Variants in CATSPER4 observed in about 807,000 individuals in gnomAD.
CATSPER4 encodes cation channel sperm-associated protein 4.
Under a neutral mutation model 54.4 loss-of-function variants are expected in CATSPER4, and 46 were observed. That is an observed-to-expected ratio of 0.84 (90% confidence interval 0.67 to 1.08). The LOEUF is 1.08. CATSPER4 is among the 50% of genes least tolerant of loss of function. CATSPER4 has a pLI of 0.00. For missense variants in CATSPER4, 574 were observed against 612.8 expected, an observed-to-expected ratio of 0.94 and a Z score of 0.67; for synonymous variants, 230 against 231.9, an observed-to-expected ratio of 0.99 and a Z score of 0.08.
chr1:26,199,431 CA>C (rs557579569), intron 6 of CATSPER4, among the ~76,000 whole-genome samples: 3,066 of 101,654 alleles, frequency 0.03, 99 homozygotes, highest in African/African-American at 0.091. Context: ...GACTCTGTCT[CA>C]AAAAAAAAAA....
chr1:26,193,714 T>G (rs910187093), intron 2 of CATSPER4, 73 bp from the exon 3 acceptor site: 10 of 940,278 alleles, frequency 1.1e-5, no homozygotes, highest in Non-Finnish European at 1.4e-5. Context: ...ACATACATCC[T>G]CTCCCTGCCG....
intron 3 of CATSPER4, 88 bp downstream of exon 3, chr1:26,193,976 G>A (rs2088905364): frequency 5.6e-6 from 5 of 888,524 alleles, no homozygotes; most frequent in African/African-American, 1.6e-5. Flanking sequence ...TACAAACTGA[G>A]GGTGTGAGTA....
chr1:26,198,216 C>T, intron 5 of CATSPER4, 70 bp from the exon 6 acceptor site: 1 of 1,613,650 alleles, frequency 6.2e-7, no homozygotes, highest in Non-Finnish European at 8.5e-7. Context: ...CGTTCATTTA[C>T]ATGACATTTG....
chr1:26,190,839 C>A lies in CATSPER4; in HGVS notation c.212C>A (p.Ala71Glu), dbSNP rs140155427. Residue 71 changes from alanine (A) to glutamate (E), a missense_variant and splice_region_variant, in exon 1 of 10, where the codon GCG becomes GAG. Physicochemically the swap from Ala to Glu is moderately radical, Grantham distance 107 (BLOSUM62 -1). Transcript: ENST00000456354. ...AACCGCCAGGAAATCACGAACAAAG[C>A]GGTAAGGATAGCTCTCGCCCCACAG... is the stretch of plus-strand genomic sequence containing the variant. Reference protein sequence around the residue: ...LINRQEITNKADAWDMQEFIT... With the variant: ...LINRQEITNKEDAWDMQEFIT... The A allele has an allele frequency of 1.9e-6, 3 of 1,606,198 alleles. No individual in the cohort carries two copies. Among genetic ancestry groups the A allele is most frequent in the Non-Finnish European group, 1.7e-6 (2 of 1,176,336 alleles).
chr1:26,193,050 T>C lies in CATSPER4; in HGVS notation c.358-737T>C, dbSNP rs867209980. The stretch of plus-strand genomic sequence containing the variant: ...CCAGGAGGCGGAGTTTGCAGTGAGC[T>C]GAGATGTCACATTAAAAAAAAAAAG... On this transcript the variant is annotated intron_variant, in intron 2 of 9. Transcript: ENST00000456354. Among the ~76,000 whole-genome samples the C allele has an allele frequency of 1.5e-4, 22 of 150,798 alleles. 1 individual carries two copies. The South Asian group carries it at 3.8e-3, about 26-fold the overall frequency.
At position 26,202,801 on chromosome 1, in the gene CATSPER4, G is replaced by A. The variant is rs2089022056; in HGVS notation, c.*259G>A. 2 of 551,464 alleles carry A rather than the reference G, an allele frequency of 3.6e-6. No homozygotes were observed. The highest frequency in any genetic ancestry group is 3.1e-5 in the East Asian group (1 of 32,518). 34.2% of individuals were successfully genotyped at this position (551,464 alleles called of 1,614,324 possible). ...AGCAAGGATGAGCACAGAAGGGGGT[G>A]CTGGCCAACGCAGCCAGGATTTGAC... On this transcript the variant is annotated 3_prime_UTR_variant, in exon 10 of 10. Transcript: ENST00000456354.
chr1:26,197,834 A>G, intron 4 of CATSPER4, 51 bp downstream of exon 4: 1 of 1,604,534 alleles, frequency 6.2e-7, no homozygotes, highest in South Asian at 1.1e-5. Context: ...GAACCCAGGA[A>G]TGAGATGGGG....
chr1:26,194,764 T>A (rs557393112), intron 3 of CATSPER4, among the ~76,000 whole-genome samples: 18 of 151,968 alleles, frequency 1.2e-4, no homozygotes, highest in Non-Finnish European at 2.4e-4. Context: ...GGACCCCCAA[T>A]ACATTGAAGA....
At chr1:26,201,995 C>T (rs2089014357) in intron 9 of CATSPER4, among the ~76,000 whole-genome samples, 1 of 152,156 alleles carries the variant, frequency 6.6e-6, no homozygotes, top group African/African-American at 2.4e-5. Flanking sequence ...GGCTGTCTGC[C>T]TCTTAAACTT....
chr1:26,192,346 T>A (rs1476287932), intron 2 of CATSPER4, among the ~76,000 whole-genome samples: 1 of 151,854 alleles, frequency 6.6e-6, no homozygotes, highest in East Asian at 2.0e-4. Context: ...TCCCAACACT[T>A]TGGCAGGCCA....
intron 3 of CATSPER4, among the ~76,000 whole-genome samples, chr1:26,195,749 T>G (rs1468192250): frequency 2.6e-5 from 4 of 151,970 alleles, no homozygotes; most frequent in Non-Finnish European, 5.9e-5. Flanking sequence ...TGATCCGCCC[T>G]CCTCAGCCTC....
At chr1:26,196,969 G>A (rs917440655) in intron 3 of CATSPER4, among the ~76,000 whole-genome samples, 4 of 145,392 alleles carry the variant, frequency 2.8e-5, no homozygotes, top group Admixed American at 7.0e-5. Context: ...GTGCAGTGGC[G>A]CAATCTTGGC....
At chr1:26,195,528 TCTCG>T (rs1212659999) in intron 3 of CATSPER4, among the ~76,000 whole-genome samples, 1 of 144,034 alleles carries the variant, frequency 6.9e-6, no homozygotes, top group Admixed American at 7.1e-5. Flanking sequence ...TGAGACGGAG[TCTCG>T]CTCTGTCGCC....
chr1:26,193,702 C>T (rs2088901557), intron 2 of CATSPER4, 85 bp from the exon 3 acceptor site: 2 of 854,250 alleles, frequency 2.3e-6, no homozygotes, highest in Non-Finnish European at 4.1e-6. Context: ...CTTCCCTCCC[C>T]TACATACATC....
intron 3 of CATSPER4, among the ~76,000 whole-genome samples, chr1:26,195,499 T>TTTTTC (rs1426049361): frequency 1.8e-5 from 1 of 54,596 alleles, no homozygotes; most frequent in Non-Finnish European, 4.9e-5. Context: ...TTTTTCTTTT[T>TTTTTC]CTTTTTCTTT....
In CATSPER4 at chr1:26,202,763, TG is replaced by T; in HGVS notation, c.*224del. 3.3e-6 allele frequency: 2 copies of T among 601,266 alleles called. No homozygotes were observed. The highest frequency in any genetic ancestry group is 3.0e-6 in the Non-Finnish European group (1 of 335,544). The allele number at this position is 601,266 out of a possible 1,614,324, so 37.2% of individuals were successfully genotyped here. A position where few individuals can be genotyped will look rare whatever the true frequency, so the allele number is the denominator to read the frequency against. On this transcript the variant is annotated 3_prime_UTR_variant, in exon 10 of 10. Coordinates refer to ENST00000456354, the MANE Select transcript of CATSPER4 (RefSeq NM_198137.2). ...AGAGGAGGATGCTGGATGATGAGAG[TG>T]GGAACCCTAGCAGCAAGGATGAGCA...
At chr1:26,201,235 C>A (rs892940963) in intron 8 of CATSPER4, 119 bp from the exon 9 acceptor site, 13 of 1,161,450 alleles carry the variant, frequency 1.1e-5, no homozygotes, top group Middle Eastern at 2.8e-4. Flanking sequence ...CACAGCTCGG[C>A]CTGGGTCTCT....
At chr1:26,197,808 G>T in intron 4 of CATSPER4, 25 bp downstream of exon 4, 1 of 1,608,562 alleles carries the variant, frequency 6.2e-7, no homozygotes, top group East Asian at 2.2e-5. Flanking sequence ...CTGGAGAAAT[G>T]AGGGGGACCT....
Position 26,190,788 on chromosome 1 carries a change from G to A in CATSPER4, c.161G>A (p.Gly54Asp), listed in dbSNP as rs371908011. ...CAGAGTACCATTCACGAGTCCTACG[G>A]TCGGCCAGAGGAGCAAGTGCTCATC... ...PLQSTIHESYGRPEEQVLINR... is the reference protein window; with the variant it reads ...PLQSTIHESYDRPEEQVLINR... The change falls in exon 1 of 10, where the codon GGT becomes GAT. Residue 54 changes from glycine (G) to aspartate (D), a missense_variant. Transcript: ENST00000456354. The A allele has an allele frequency of 1.2e-6, 2 of 1,613,274 alleles. No homozygotes were observed. Among genetic ancestry groups the A allele is most frequent in the Non-Finnish European group, 1.7e-6 (2 of 1,179,776 alleles).
Sources: gnomAD v4.1 joint callset for allele counts (sites outside exome capture counted in the v4.1 genomes callset) on GRCh38, gnomAD v4.1.1 for gene constraint, MANE v1.5 for transcripts, NCBI Gene and HGNC (gene_info 2026-07-23, HGNC 2026-07-21) for gene names.